The following LGSN variants were observed in gnomAD, a reference collection of about 807,000 sequenced individuals.
LGSN encodes lengsin.
In LGSN, 21 loss-of-function variants were observed where a neutral mutation model predicts 19.5. The observed-to-expected ratio is 1.07, with a 90% CI of 0.76 to 1.55. The LOEUF is 1.55. Among genes scored for constraint, LGSN ranks in the 40% most tolerant of loss-of-function variants. The pLI, the probability that LGSN is intolerant of heterozygous loss-of-function variation, is 0.00. For missense variants in LGSN, 673 were observed against 608.5 expected (o/e 1.11, Z -1.12); for synonymous variants, 257 against 215.6 (o/e 1.19, Z -1.68).
chr6:63,448,857 A>G, the LGSN span, among the ~76,000 whole-genome samples: 1 of 152,164 alleles, frequency 6.6e-6, no homozygotes, highest in African/African-American at 2.4e-5. Flanking sequence ...AAAATAAATA[A>G]CTCAGAGGTT....
At chr6:63,427,914 A>T in the LGSN span, among the ~76,000 whole-genome samples, 4 of 41,272 alleles carry the variant, frequency 9.7e-5, no homozygotes, top group South Asian at 9.3e-4. Context: ...TTATTGATTT[A>T]AAAAAAAATC....
the LGSN span, among the ~76,000 whole-genome samples, chr6:63,510,859 A>T: frequency 1.3e-5 from 2 of 151,784 alleles, no homozygotes; most frequent in African/African-American, 4.8e-5. Context: ...TTTTCAGTGG[A>T]GACAGGATTT....
the LGSN span, among the ~76,000 whole-genome samples, chr6:63,378,507 G>A: frequency 3.3e-5 from 5 of 152,188 alleles, no homozygotes; most frequent in Non-Finnish European, 7.3e-5. Flanking sequence ...ATCTGAGGCT[G>A]AGTAATTTAT....
chr6:63,456,369 A>ATACTTTTTTTT, the LGSN span, among the ~76,000 whole-genome samples: 1 of 40,066 alleles, frequency 2.5e-5, no homozygotes, highest in Non-Finnish European at 7.2e-5. Flanking sequence ...ATATATATAT[A>ATACTTTTTTTT]TATATATATA....
chr6:63,295,418 A>G (rs998463659), intron 1 of LGSN, among the ~76,000 whole-genome samples: 1 of 152,046 alleles, frequency 6.6e-6, no homozygotes, highest in African/African-American at 2.4e-5. Context: ...TATGATTTCT[A>G]TTTTTTAGGA....
At chr6:63,499,278 G>C in the LGSN span, among the ~76,000 whole-genome samples, 2 of 152,054 alleles carry the variant, frequency 1.3e-5, no homozygotes, top group African/African-American at 4.8e-5. Context: ...TGGAAATTTT[G>C]ATAAAAGCTG....
chr6:63,411,002 A>G, the LGSN span, among the ~76,000 whole-genome samples: 1 of 152,310 alleles, frequency 6.6e-6, no homozygotes, highest in East Asian at 1.9e-4. Flanking sequence ...AGAGACACCT[A>G]CTGAGTTAGT....
intron 1 of LGSN, among the ~76,000 whole-genome samples, chr6:63,313,561 A>G (rs1368043250): frequency 6.6e-6 from 1 of 152,188 alleles, no homozygotes; most frequent in Non-Finnish European, 1.5e-5. Context: ...ACAGCCAGGC[A>G]CAGTGGCTTA....
the LGSN span, among the ~76,000 whole-genome samples, chr6:63,370,631 G>A: frequency 6.6e-6 from 1 of 152,188 alleles, no homozygotes. Context: ...TCTCAAAGAT[G>A]CTCTCCTCAC....
chr6:63,331,127 C>A, the LGSN span, among the ~76,000 whole-genome samples: 1 of 152,028 alleles, frequency 6.6e-6, no homozygotes, highest in Non-Finnish European at 1.5e-5. Context: ...TCCTTCTGGG[C>A]AGGGGAGATT....
the LGSN span, among the ~76,000 whole-genome samples, chr6:63,373,721 C>G: frequency 3.9e-5 from 6 of 152,056 alleles, no homozygotes; most frequent in Non-Finnish European, 8.8e-5. Flanking sequence ...GCCTGTAATT[C>G]CAGCACTCTG....
the LGSN span, among the ~76,000 whole-genome samples, chr6:63,565,265 G>A: frequency 6.6e-6 from 1 of 151,772 alleles, no homozygotes; most frequent in African/African-American, 2.4e-5. Flanking sequence ...AGCTCCTACA[G>A]AAGTAAATAC....
At chr6:63,548,461 A>G in the LGSN span, among the ~76,000 whole-genome samples, 13 of 152,192 alleles carry the variant, frequency 8.5e-5, no homozygotes, top group Non-Finnish European at 1.9e-4. Flanking sequence ...CCACATTCCT[A>G]CATAGGTGCT....
At chr6:63,413,545 T>C in the LGSN span, among the ~76,000 whole-genome samples, 1 of 152,176 alleles carries the variant, frequency 6.6e-6, no homozygotes, top group Non-Finnish European at 1.5e-5. Flanking sequence ...GGGCTAGAAA[T>C]AGAGATTCCT....
chr6:63,356,404 T>C, the LGSN span, among the ~76,000 whole-genome samples: 2 of 152,068 alleles, frequency 1.3e-5, no homozygotes, highest in African/African-American at 4.8e-5. Flanking sequence ...TAGCTGGGTG[T>C]GGTGGCTCGT....
At chr6:63,558,823 C>T in the LGSN span, among the ~76,000 whole-genome samples, 6 of 152,092 alleles carry the variant, frequency 3.9e-5, no homozygotes, top group Admixed American at 3.9e-4. Context: ...ACAAGCCATC[C>T]CAGGGGCCCC....
the LGSN span, among the ~76,000 whole-genome samples, chr6:63,501,646 C>G: frequency 6.6e-6 from 1 of 151,878 alleles, no homozygotes. Flanking sequence ...TTATTTGCAG[C>G]TAAAAGCACT....
At chr6:63,360,192 G>A in the LGSN span, among the ~76,000 whole-genome samples, 1 of 152,130 alleles carries the variant, frequency 6.6e-6, no homozygotes, top group African/African-American at 2.4e-5. Flanking sequence ...TGCATTTCCT[G>A]AATTTGAATG....
chr6:63,413,843 T>G, the LGSN span, among the ~76,000 whole-genome samples: 1 of 152,210 alleles, frequency 6.6e-6, no homozygotes, highest in Non-Finnish European at 1.5e-5. Flanking sequence ...CCGATTATCC[T>G]TTAAAGTTAG....
Sources: allele counts gnomAD v4.1 joint callset (sites outside exome capture counted in the v4.1 genomes callset), GRCh38; gene constraint gnomAD v4.1.1; transcripts MANE v1.5; gene names NCBI Gene and HGNC (gene_info 2026-07-23, HGNC 2026-07-21).